The following MALRD1 variants were observed in gnomAD, a reference collection of about 807,000 sequenced individuals.
The protein encoded by MALRD1 is MAM and LDL receptor class A domain containing 1, also known as MAM and LDL-receptor class A domain-containing protein 1.
A neutral mutation model predicts 242.1 loss-of-function variants in MALRD1; 247 were observed. That is an observed-to-expected ratio of 1.02 (90% confidence interval 0.92 to 1.13). MALRD1 has a LOEUF of 1.13. Among genes scored for constraint, MALRD1 ranks in the 50% most tolerant of loss-of-function variants. The probability of loss-of-function intolerance (pLI) is 0.00; values close to 1 mark genes in which losing one functional copy is unlikely to be tolerated. For synonymous variants in MALRD1, 995 were observed against 866.6 expected, an observed-to-expected ratio of 1.15 and a Z score of -2.60; for missense variants, 2,989 against 2,533.1, an observed-to-expected ratio of 1.18 and a Z score of -3.86.
At chr10:19,517,973 A>C (rs1233996761) in intron 31 of MALRD1, among the ~76,000 whole-genome samples, 1 of 152,184 alleles carries the variant, frequency 6.6e-6, no homozygotes, top group East Asian at 1.9e-4. Flanking sequence ...ATCAGGTAGC[A>C]CTCAGAACCA....
chr10:19,439,341 G>A (rs1291028794), intron 28 of MALRD1, among the ~76,000 whole-genome samples: 1 of 151,858 alleles, frequency 6.6e-6, no homozygotes, highest in Non-Finnish European at 1.5e-5. Flanking sequence ...AACCAGCCTG[G>A]GCAACATAGT....
intron 31 of MALRD1, among the ~76,000 whole-genome samples, chr10:19,524,377 T>C (rs895248872): frequency 2.6e-5 from 4 of 151,918 alleles, no homozygotes; most frequent in Admixed American, 6.6e-5. Context: ...CTTGGGAGGC[T>C]GAGGCACGAG....
chr10:19,598,875 A>G (rs1184185552), intron 34 of MALRD1, among the ~76,000 whole-genome samples: 10 of 152,150 alleles, frequency 6.6e-5, no homozygotes, highest in Non-Finnish European at 2.9e-5. Context: ...TAGCGGGGTC[A>G]CAAGAGACTG....
rs528439118 is a variant in MALRD1 at position 19,584,623 on chromosome 10, C to T, written c.5681-10571C>T. 2.3e-3 allele frequency among the ~76,000 whole-genome samples: 347 copies of T among 151,988 alleles called. 2 individuals are homozygous for T. The highest frequency in any genetic ancestry group is 4.1e-3 in the Admixed American group (63 of 15,278). On this transcript the variant is annotated intron_variant, in intron 33 of 39. Coordinates refer to ENST00000454679, the MANE Select transcript of MALRD1 (RefSeq NM_001142308.3). ...TATAATTTCTGTTCTTTTACATTTG[C>T]TGAGGAGAGCTTTACTTCCAATTAT...
At chr10:19,534,735 G>A (rs1834576887) in intron 32 of MALRD1, among the ~76,000 whole-genome samples, 1 of 151,936 alleles carries the variant, frequency 6.6e-6, no homozygotes, top group Non-Finnish European at 1.5e-5. Context: ...TGGACTATCA[G>A]TTTGCAATTA....
chr10:19,666,415 C>T (rs543622066), intron 36 of MALRD1, among the ~76,000 whole-genome samples: 1 of 152,108 alleles, frequency 6.6e-6, no homozygotes, highest in Non-Finnish European at 1.5e-5. Context: ...ATGCTGTATA[C>T]TACTAGGCTA....
At chr10:19,624,092 G>T (rs944550286) in intron 36 of MALRD1, among the ~76,000 whole-genome samples, 2 of 152,116 alleles carry the variant, frequency 1.3e-5, no homozygotes, top group African/African-American at 2.4e-5. Context: ...TCTCATGGAG[G>T]TGAATTTGGT....
At chr10:19,434,063 T>G (rs1834253156) in intron 28 of MALRD1, among the ~76,000 whole-genome samples, 1 of 152,130 alleles carries the variant, frequency 6.6e-6, no homozygotes. Flanking sequence ...TAAGTATGCT[T>G]TCTACCTCTT....
chr10:19,588,800 G>C lies in MALRD1; in HGVS notation c.5681-6394G>C, dbSNP rs551745540. On this transcript the variant is annotated intron_variant, in intron 33 of 39. Coordinates refer to ENST00000454679, the MANE Select transcript of MALRD1 (RefSeq NM_001142308.3). ...TGGGATTACAGCCACCCACTACCAT[G>C]CCTGTCTAATTTTTGTATTTTTAGT... Among the ~76,000 whole-genome samples the C allele has an allele frequency of 2.0e-5, 3 of 152,202 alleles. No homozygotes were observed. In the East Asian group the frequency reaches 5.8e-4, roughly 29 times the overall value.
intron 28 of MALRD1, among the ~76,000 whole-genome samples, chr10:19,423,863 A>C (rs1589052302): frequency 1.3e-5 from 2 of 152,292 alleles, no homozygotes; most frequent in East Asian, 3.9e-4. Flanking sequence ...CCATCCTAAC[A>C]ATGAACACAG....
chr10:19,268,787 A>G (rs78914129), intron 19 of MALRD1, among the ~76,000 whole-genome samples: 3,300 of 152,264 alleles, frequency 0.022, 57 homozygotes, highest in Middle Eastern at 0.037. Context: ...TGGAAAATCT[A>G]TTTTACCAGA....
At chr10:19,547,804 ATATATATATATATATTTTTTTTT>A (rs1361196947) in intron 32 of MALRD1, among the ~76,000 whole-genome samples, 1 of 13,314 alleles carries the variant, frequency 7.5e-5, no homozygotes, top group Non-Finnish European at 1.7e-4. Context: ...ATATATATAT[ATATATATATATATATTTTTTTTT>A]TTTTTTTTTT....
intron 34 of MALRD1, among the ~76,000 whole-genome samples, chr10:19,596,465 C>T (rs1838104072): frequency 6.6e-6 from 1 of 152,104 alleles, no homozygotes; most frequent in Admixed American, 6.5e-5. Flanking sequence ...TGCAGTGGCT[C>T]AGGCCTATTA....
chr10:19,457,328 G>A (rs1589110485), intron 29 of MALRD1, among the ~76,000 whole-genome samples: 7 of 152,154 alleles, frequency 4.6e-5, no homozygotes, highest in Admixed American at 4.6e-4. Flanking sequence ...CAACTTGCCT[G>A]AGTCTGGTGA....
chr10:19,451,604 C>T lies in MALRD1; in HGVS notation c.5029+1114C>T, dbSNP rs1000329885. Among the ~76,000 whole-genome samples the T allele has an allele frequency of 9.2e-5, 14 of 152,200 alleles. No individual in the cohort carries two copies. The East Asian group carries it at 1.9e-3, about 21-fold the overall frequency. On this transcript the variant is annotated intron_variant, in intron 29 of 39. Transcript: ENST00000454679. The stretch of plus-strand genomic sequence containing the variant: ...TGATTCACTTGGCAGCAAGTCCCCG[C>T]GACTAAAAGAGCTAAACCTGAATGC...
chr10:19,313,335 C>G (rs1368885606), intron 21 of MALRD1, among the ~76,000 whole-genome samples: 3 of 150,928 alleles, frequency 2.0e-5, no homozygotes, highest in African/African-American at 7.3e-5. Context: ...AAATATTAAG[C>G]AATTAACTTA....
At chr10:19,381,119 C>T (rs578231870) in intron 26 of MALRD1, among the ~76,000 whole-genome samples, 5 of 142,224 alleles carry the variant, frequency 3.5e-5, no homozygotes, top group Non-Finnish European at 6.0e-5. Flanking sequence ...TCCATGTGAT[C>T]TCATTGTTCA....
chr10:19,438,016 G>A (rs2496079), intron 28 of MALRD1, among the ~76,000 whole-genome samples: 108,650 of 151,934 alleles, frequency 0.72, 38,977 homozygotes, highest in Non-Finnish European at 0.75. Flanking sequence ...AGTCCCTGCC[G>A]TGAGTTTTAG....
chr10:19,248,187 T>A (rs1326221597), intron 18 of MALRD1, among the ~76,000 whole-genome samples: 1 of 152,064 alleles, frequency 6.6e-6, no homozygotes, highest in African/African-American at 2.4e-5. Context: ...GGATTCAAAG[T>A]ACTACATAAT....
Sources: allele counts gnomAD v4.1 joint callset (sites outside exome capture counted in the v4.1 genomes callset), GRCh38; gene constraint gnomAD v4.1.1; transcripts MANE v1.5; gene names NCBI Gene and HGNC (gene_info 2026-07-23, HGNC 2026-07-21).